AR: variants seen among roughly 807,000 people sequenced by gnomAD.
AR encodes dihydrotestosterone receptor.
A neutral mutation model predicts 53.9 loss-of-function variants in AR; 8 were observed. That is an observed-to-expected ratio of 0.15 (90% CI 0.09 to 0.27). The LOEUF (loss-of-function observed/expected upper bound fraction) is 0.27. Among genes scored for constraint, AR ranks in the 10% least tolerant of loss-of-function variants. The probability of loss-of-function intolerance (pLI) is 1.00; values close to 1 mark genes in which losing one functional copy is unlikely to be tolerated. For synonymous variants in AR, 359 were observed against 316.4 expected, an observed-to-expected ratio of 1.13 and a Z score of -1.43; for missense variants, 639 against 742.5, an observed-to-expected ratio of 0.86 and a Z score of 1.62.
chrX:67,642,265 A>G (rs750646526), intron 1 of AR, among the ~76,000 whole-genome samples: 3 of 112,202 alleles, frequency 2.7e-5, no homozygotes, highest in Non-Finnish European at 3.8e-5. Flanking sequence ...CTTAGGCATA[A>G]GACATAGGAA....
intron 2 of AR, among the ~76,000 whole-genome samples, chrX:67,657,961 C>T (rs372123042): frequency 4.5e-5 from 5 of 111,697 alleles, no homozygotes; most frequent in African/African-American, 1.6e-4. Flanking sequence ...TCACAGATAA[C>T]CAATCATGTG....
intron 1 of AR, among the ~76,000 whole-genome samples, chrX:67,550,489 A>T (rs1315646487): frequency 1.8e-5 from 2 of 110,142 alleles, no homozygotes; most frequent in Non-Finnish European, 3.8e-5. Context: ...GATTATGTGA[A>T]CTGGAGTTAG....
intron 1 of AR, among the ~76,000 whole-genome samples, chrX:67,603,803 G>A (rs964366367): frequency 1.8e-5 from 2 of 111,308 alleles, no homozygotes; most frequent in African/African-American, 6.5e-5. Flanking sequence ...AAGGTGGTGA[G>A]GCAGAGGCTG....
In AR at chrX:67,545,833, T is replaced by C. The variant is rs2147317864; in HGVS notation, c.687T>C (p.Thr229=). Residue 229 remains threonine, a synonymous_variant, in exon 1 of 8, where the codon ACT becomes ACC. Coordinates refer to ENST00000374690, the MANE Select transcript of AR (RefSeq NM_000044.6). ...TSSKDNYLGG[T]STISDNAKEL... ...CCAAGGACAATTACTTAGGGGGCAC[T>C]TCGACCATTTCTGACAACGCCAAGG... is the stretch of plus-strand genomic sequence containing the variant. 3 of 1,212,073 alleles carry C rather than the reference T, an allele frequency of 2.5e-6. No homozygotes were observed. Among genetic ancestry groups the C allele is most frequent in the Non-Finnish European group, 3.3e-6 (3 of 895,560 alleles).
chrX:67,695,205 CTTTA>C, intron 3 of AR: 1 of 755,323 alleles, frequency 1.3e-6, no homozygotes, highest in Non-Finnish European at 1.6e-6. Context: ...CTGTGGCCAT[CTTTA>C]TTTGTGTATT....
intron 2 of AR, among the ~76,000 whole-genome samples, chrX:67,667,334 C>A (rs1328477226): frequency 9.0e-6 from 1 of 111,515 alleles, no homozygotes; most frequent in Non-Finnish European, 1.9e-5. Flanking sequence ...AATATACGTT[C>A]TTGGCACCTT....
intron 2 of AR, among the ~76,000 whole-genome samples, chrX:67,665,789 C>G (rs1206606543): frequency 8.9e-6 from 1 of 111,974 alleles, no homozygotes; most frequent in East Asian, 2.8e-4. Flanking sequence ...CAAGGAGGCC[C>G]TCACTGTTCT....
intron 2 of AR, among the ~76,000 whole-genome samples, chrX:67,667,550 T>C (rs142168401): frequency 0.014 from 1,535 of 111,500 alleles, 27 homozygotes; most frequent in African/African-American, 0.048. Flanking sequence ...CCTGGGTCTC[T>C]TGTGGTTCTA....
At chrX:67,643,471 A>C in intron 2 of AR, 64 bp downstream of exon 2, 1 of 1,132,774 alleles carries the variant, frequency 8.8e-7, no homozygotes, top group Non-Finnish European at 1.2e-6. Flanking sequence ...GAGAGACACT[A>C]ACCTTTCAGG....
chrX:67,579,290 T>G (rs780024593), intron 1 of AR, among the ~76,000 whole-genome samples: 16 of 111,593 alleles, frequency 1.4e-4, no homozygotes, highest in Non-Finnish European at 1.5e-4. Context: ...CTTAATACAT[T>G]TAGTGGTCTT....
At chrX:67,664,383 C>T (rs1174614219) in intron 2 of AR, among the ~76,000 whole-genome samples, 1 of 112,110 alleles carries the variant, frequency 8.9e-6, no homozygotes, top group East Asian at 2.8e-4. Flanking sequence ...CAGGTCCACT[C>T]CAGACCCTGT....
At chrX:67,702,832 C>A (rs763916757) in intron 3 of AR, among the ~76,000 whole-genome samples, 39 of 112,031 alleles carry the variant, frequency 3.5e-4, no homozygotes, top group African/African-American at 1.3e-3. Flanking sequence ...GCCTATAATC[C>A]CAGCACTTTG....
chrX:67,666,572 C>T (rs536445302), intron 2 of AR, among the ~76,000 whole-genome samples: 1 of 111,598 alleles, frequency 9.0e-6, no homozygotes, highest in African/African-American at 3.3e-5. Context: ...AGGGTGTATA[C>T]CCAGCAGTGG....
At chrX:67,717,338 C>T (rs2076117399) in intron 4 of AR, 140 bp from the exon 5 acceptor site, 4 of 838,820 alleles carry the variant, frequency 4.8e-6, no homozygotes, top group Non-Finnish European at 6.9e-6. Context: ...CCCACCACCC[C>T]TTAATGGCCA....
intron 2 of AR, among the ~76,000 whole-genome samples, chrX:67,655,470 C>A (rs750095174): frequency 1.1e-4 from 12 of 111,005 alleles, no homozygotes; most frequent in African/African-American, 3.9e-4. Context: ...GACTAGCCAG[C>A]AAGTTTAAGT....
intron 1 of AR, among the ~76,000 whole-genome samples, chrX:67,632,973 C>T (rs1925242380): frequency 8.9e-6 from 1 of 111,867 alleles, no homozygotes; most frequent in Admixed American, 9.5e-5. Context: ...TACCGGTTTA[C>T]ACCTATTAAG....
intron 2 of AR, among the ~76,000 whole-genome samples, chrX:67,660,225 C>T (rs758910474): frequency 2.7e-5 from 3 of 112,007 alleles, no homozygotes; most frequent in African/African-American, 9.7e-5. Flanking sequence ...GAATTAGATC[C>T]CATTTGTCAA....
At chrX:67,667,946 G>T (rs1230209852) in intron 2 of AR, among the ~76,000 whole-genome samples, 1 of 111,708 alleles carries the variant, frequency 9.0e-6, no homozygotes, top group Non-Finnish European at 1.9e-5. Flanking sequence ...TTGTTTATCA[G>T]TTCTAATAGG....
chrX:67,594,798 A>C (rs1329671012), intron 1 of AR, among the ~76,000 whole-genome samples: 2 of 111,077 alleles, frequency 1.8e-5, no homozygotes, highest in Non-Finnish European at 3.8e-5. Flanking sequence ...AAATACAAAA[A>C]ATTAGCTAGG....
Sources: gnomAD v4.1 joint callset for allele counts (sites outside exome capture counted in the v4.1 genomes callset) on GRCh38, gnomAD v4.1.1 for gene constraint, MANE v1.5 for transcripts, NCBI Gene and HGNC (gene_info 2026-07-23, HGNC 2026-07-21) for gene names.